HADHB: variants seen among roughly 807,000 people sequenced by gnomAD.
HADHB encodes the protein trifunctional enzyme subunit beta, mitochondrial.
Under a neutral mutation model 61.9 loss-of-function variants are expected in HADHB, and 50 were observed. The ratio of observed to expected loss-of-function variants is 0.81; its 90% CI spans 0.64 to 1.02. HADHB has a LOEUF of 1.02. HADHB is among the 50% of genes least tolerant of loss of function. The pLI, the probability that HADHB is intolerant of heterozygous loss-of-function variation, is 0.00. For missense variants in HADHB, 504 were observed against 586.5 expected (o/e 0.86, Z 1.45); for synonymous variants, 191 against 201.6 (o/e 0.95, Z 0.45).
In HADHB at chr2:26,262,652, C is replaced by T. The variant is rs557261215; in HGVS notation, c.110-728C>T. Among the ~76,000 whole-genome samples, 89 of 152,286 alleles carry T rather than the reference C, an allele frequency of 5.8e-4. 1 individual carries two copies. The highest frequency in any genetic ancestry group is 9.8e-4 in the Admixed American group (15 of 15,290). On this transcript the variant is annotated intron_variant, in intron 3 of 15. Transcript: ENST00000317799. ...TAGATTTTTGCAGAATAGCAAGTCA[C>T]CAACCAAGTGCCCCTTATTTCCACG...
chr2:26,262,416 A>C (rs1671902140), intron 3 of HADHB, among the ~76,000 whole-genome samples: 1 of 152,236 alleles, frequency 6.6e-6, no homozygotes. Context: ...ACGATTTGAA[A>C]GTATATACAC....
chr2:26,254,624 A>G, intron 3 of HADHB, 150 bp downstream of exon 3: 1 of 636,112 alleles, frequency 1.6e-6, no homozygotes, highest in Non-Finnish European at 2.8e-6. Flanking sequence ...CAAATTAAAA[A>G]ATTATAGGTC....
intron 15 of HADHB, among the ~76,000 whole-genome samples, 168 bp downstream of exon 15, chr2:26,285,739 G>GTTTTTTTTT (rs766742523): frequency 0.014 from 888 of 65,022 alleles, 119 homozygotes; most frequent in Middle Eastern, 0.053. Context: ...TGTTTTTTGG[G>GTTTTTTTTT]TTTTTTTTTT....
chr2:26,260,818 C>A, intron 3 of HADHB: 2 of 591,458 alleles, frequency 3.4e-6, no homozygotes, highest in South Asian at 4.0e-5. Flanking sequence ...CTTTCCTGGT[C>A]TTTCTGCTTC....
intron 1 of HADHB, among the ~76,000 whole-genome samples, chr2:26,246,849 A>G (rs1671185057): frequency 6.6e-6 from 1 of 152,220 alleles, no homozygotes. Context: ...AGAGGGAAAC[A>G]GTACATTTGT....
chr2:26,256,527 GTATA>G (rs56218622), intron 3 of HADHB, among the ~76,000 whole-genome samples: 29,497 of 148,704 alleles, frequency 0.2, 2,983 homozygotes, highest in Middle Eastern at 0.26. Flanking sequence ...TTCTCTCTGT[GTATA>G]TATATATATA....
intron 1 of HADHB, among the ~76,000 whole-genome samples, chr2:26,248,918 G>A (rs10165409): frequency 0.018 from 2,673 of 152,104 alleles, 92 homozygotes; most frequent in African/African-American, 0.061. Flanking sequence ...TTAGACAGGC[G>A]TGGTGGCACG....
At position 26,279,299 on chromosome 2, in the gene HADHB, A is replaced by G; in HGVS notation, c.795A>G (p.Val265=). The G allele has an allele frequency of 1.2e-6, 2 of 1,611,238 alleles. No individual in the cohort carries two copies. The highest frequency in any genetic ancestry group is 2.2e-5 in the South Asian group (2 of 91,018). Reference sequence around the variant, plus strand: ...ATGAAGGACTCCTTTCTGATGTGGTACCCTTCAAAGTACCAGGTGAAATGA... The same window carrying G: ...ATGAAGGACTCCTTTCTGATGTGGTGCCCTTCAAAGTACCAGGTGAAATGA... ...AQDEGLLSDV[V]PFKVPGKDTV... The change falls in exon 9 of 16, where the codon GTA becomes GTG. Residue 265 remains valine (V), a synonymous_variant. Transcript: ENST00000317799.
At chr2:26,281,973 C>T (rs1418787410) in intron 10 of HADHB, among the ~76,000 whole-genome samples, 5 of 151,784 alleles carry the variant, frequency 3.3e-5, no homozygotes, top group African/African-American at 1.2e-4. Flanking sequence ...TGTCCTCCAG[C>T]TTCTCGGTTG....
At chr2:26,258,140 C>T (rs993657757) in intron 3 of HADHB, among the ~76,000 whole-genome samples, 1 of 152,154 alleles carries the variant, frequency 6.6e-6, no homozygotes, top group South Asian at 2.1e-4. Context: ...GCCTCCGAAA[C>T]GGAGGCTGTG....
intron 15 of HADHB, 111 bp downstream of exon 15, chr2:26,285,682 G>C (rs1195318776): frequency 1.1e-5 from 8 of 740,718 alleles, no homozygotes; most frequent in Non-Finnish European, 1.4e-5. Flanking sequence ...ATGACCTGGG[G>C]GTGGGGAGTG....
At chr2:26,249,367 CT>C (rs1192028330) in intron 1 of HADHB, among the ~76,000 whole-genome samples, 2 of 151,710 alleles carry the variant, frequency 1.3e-5, no homozygotes, top group Non-Finnish European at 2.9e-5. Context: ...AAAAATTAGC[CT>C]GGTATGGTGG....
At position 26,256,201 on chromosome 2, in the gene HADHB, G is replaced by A. The variant is rs187886585; in HGVS notation, c.109+1727G>A. Among the ~76,000 whole-genome samples the A allele has an allele frequency of 2.3e-3, 353 of 152,314 alleles. 1 individual carries two copies. The highest frequency in any genetic ancestry group is 8.1e-3 in the African/African-American group (338 of 41,574). ...TGATGATAGTGGTACCAGAAGGCAC[G>A]TGATAAAACAATGGGAAGTGGCCAG... On this transcript the variant is annotated intron_variant, in intron 3 of 15. Coordinates refer to ENST00000317799, the MANE Select transcript of HADHB (RefSeq NM_000183.3).
chr2:26,272,314 C>T (rs1038208734), intron 5 of HADHB, among the ~76,000 whole-genome samples: 8 of 150,152 alleles, frequency 5.3e-5, no homozygotes, highest in South Asian at 2.1e-4. Flanking sequence ...GTATATACCC[C>T]GTGTTCCTGT....
chr2:26,278,369 A>G (rs1558356483), intron 7 of HADHB, among the ~76,000 whole-genome samples: 2 of 152,238 alleles, frequency 1.3e-5, no homozygotes, highest in African/African-American at 2.4e-5. Flanking sequence ...AGTTGGTCCA[A>G]TGGATATTCC....
rs1342180324 is a variant in HADHB at position 26,263,436 on chromosome 2, G to T, written c.166G>T (p.Val56Leu). 1 of 1,613,028 alleles carries T rather than the reference G, an allele frequency of 6.2e-7. No individual in the cohort carries two copies. Among genetic ancestry groups the T allele is most frequent in the Admixed American group, 1.7e-5 (1 of 60,006 alleles). The change falls in exon 4 of 16, where the codon GTG (valine) becomes TTG (leucine). Residue 56 changes from valine to leucine, a missense_variant. Transcript: ENST00000317799. ...CAAACCCAATATAAGGAATGTTGTG[G>T]TGGTGGATGGTGTTCGCACTCCATT... ...LAKPNIRNVV[V>L]VDGVRTPFLL...
At chr2:26,253,697 C>G (rs1449961191) in intron 1 of HADHB, among the ~76,000 whole-genome samples, 2 of 151,416 alleles carry the variant, frequency 1.3e-5, no homozygotes, top group Non-Finnish European at 3.0e-5. Context: ...ACTAAAAATA[C>G]AAAAAATTAG....
intron 3 of HADHB, among the ~76,000 whole-genome samples, chr2:26,256,527 GTATATA>G (rs56218622): frequency 2.1e-4 from 31 of 149,366 alleles, no homozygotes; most frequent in African/African-American, 4.4e-4. Context: ...TTCTCTCTGT[GTATATA>G]TATATATATA....
chr2:26,273,461 T>C (rs1672426603), intron 5 of HADHB, among the ~76,000 whole-genome samples, 190 bp from the exon 6 acceptor site: 1 of 152,214 alleles, frequency 6.6e-6, no homozygotes, highest in Admixed American at 6.5e-5. Flanking sequence ...TGTTGACTTT[T>C]AAAATCACTC....
Sources: allele counts gnomAD v4.1 joint callset (sites outside exome capture counted in the v4.1 genomes callset), GRCh38; gene constraint gnomAD v4.1.1; transcripts MANE v1.5; gene names NCBI Gene and HGNC (gene_info 2026-07-23, HGNC 2026-07-21).